Variants in CMC1 observed in about 807,000 individuals in gnomAD.
CMC1 encodes C-X9-C motif containing 1.
In CMC1, 14 loss-of-function variants were observed where a neutral mutation model predicts 14.1. The observed-to-expected ratio is 0.99, with a 90% confidence interval of 0.66 to 1.55. The LOEUF (loss-of-function observed/expected upper bound fraction) is 1.55, where lower values mean the gene tolerates loss of function less well. CMC1 is among the 40% of genes most tolerant of loss of function. CMC1 has a pLI of 0.00. For missense variants in CMC1, 127 were observed against 123.8 expected (o/e 1.03, Z -0.12); for synonymous variants, 50 against 38.4 (o/e 1.30, Z -1.12).
At chr3:28,254,048 A>G (rs1699269594) in intron 1 of CMC1, among the ~76,000 whole-genome samples, 1 of 152,202 alleles carries the variant, frequency 6.6e-6, no homozygotes, top group African/African-American at 2.4e-5. Context: ...CCAGTGAAAA[A>G]GGTGAAAATT....
chr3:28,256,708 T>A (rs1699429868), intron 1 of CMC1, among the ~76,000 whole-genome samples: 2 of 151,816 alleles, frequency 1.3e-5, no homozygotes, highest in South Asian at 2.1e-4. Flanking sequence ...GGGAGGAGAG[T>A]CATAGGCAAA....
At chr3:28,273,749 G>C (rs1700418930) in intron 2 of CMC1, among the ~76,000 whole-genome samples, 1 of 152,108 alleles carries the variant, frequency 6.6e-6, no homozygotes, top group African/African-American at 2.4e-5. Flanking sequence ...CTCTTTGTAG[G>C]TTTCTAAGAA....
intron 2 of CMC1, among the ~76,000 whole-genome samples, chr3:28,298,882 A>G (rs996574177): frequency 2.0e-5 from 3 of 152,028 alleles, no homozygotes; most frequent in Admixed American, 1.3e-4. Flanking sequence ...GTTTTTAAGC[A>G]CCTGCATGCT....
intron 1 of CMC1, among the ~76,000 whole-genome samples, chr3:28,254,157 C>T (rs1699273206): frequency 6.6e-6 from 1 of 152,146 alleles, no homozygotes; most frequent in African/African-American, 2.4e-5. Context: ...ATTTATGTGA[C>T]TATACAGTAG....
chr3:28,250,798 G>T (rs1370409352), intron 1 of CMC1, among the ~76,000 whole-genome samples: 1 of 152,188 alleles, frequency 6.6e-6, no homozygotes, highest in Non-Finnish European at 1.5e-5. Flanking sequence ...TTTAAAGGTG[G>T]AACCTTGTGG....
In CMC1 at chr3:28,267,038, T is replaced by A. The variant is rs1052415073; in HGVS notation, c.109+3658T>A. On this transcript the variant is annotated intron_variant, in intron 2 of 3. Coordinates refer to ENST00000466830, the MANE Select transcript of CMC1 (RefSeq NM_182523.2). ...CCACCAACTGTAATGATGAAATCAT[T>A]GCTTTTTCTTGGATCTAGGAGTTAG... Among the ~76,000 whole-genome samples the A allele has an allele frequency of 2.0e-5, 3 of 152,162 alleles. No individual in the cohort carries two copies. The East Asian group carries it at 5.8e-4, about 29-fold the overall frequency.
At chr3:28,283,365 A>T (rs1700994944) in intron 2 of CMC1, among the ~76,000 whole-genome samples, 1 of 151,938 alleles carries the variant, frequency 6.6e-6, no homozygotes, top group South Asian at 2.1e-4. Context: ...AATAAAAAAA[A>T]AAAATTAGCC....
intron 2 of CMC1, among the ~76,000 whole-genome samples, chr3:28,273,728 G>C (rs144922143): frequency 0.14 from 20,582 of 151,988 alleles, 1,863 homozygotes; most frequent in East Asian, 0.47. Context: ...TTATTGTGTG[G>C]GAGTCTAAGT....
chr3:28,283,778 A>T (rs1194158017), intron 2 of CMC1, among the ~76,000 whole-genome samples: 1 of 152,142 alleles, frequency 6.6e-6, no homozygotes, highest in Admixed American at 6.5e-5. Context: ...CTCAATACAG[A>T]TTACTGCAGT....
At chr3:28,242,066 A>G (rs1357593987) in intron 1 of CMC1, among the ~76,000 whole-genome samples, 1 of 152,224 alleles carries the variant, frequency 6.6e-6, no homozygotes, top group African/African-American at 2.4e-5. Flanking sequence ...TAACGCGACT[A>G]GTCTCTTCAT....
chr3:28,302,763 T>C (rs907793362), intron 2 of CMC1, among the ~76,000 whole-genome samples: 2 of 152,182 alleles, frequency 1.3e-5, no homozygotes, highest in African/African-American at 4.8e-5. Flanking sequence ...CCAGCAACAG[T>C]GTCTACCTTA....
Position 28,320,961 on chromosome 3 carries a change from C to T in CMC1, c.*1332C>T, listed in dbSNP as rs1347764571. Reference sequence around the variant, plus strand: ...ACCCACTAAGACAAGGTTTAACTTTCCCTAATCCCATGCAATAGATCTGAG... The same window carrying T: ...ACCCACTAAGACAAGGTTTAACTTTTCCTAATCCCATGCAATAGATCTGAG... On this transcript the variant is annotated 3_prime_UTR_variant, in exon 4 of 4. Transcript: ENST00000466830. The T allele has an allele frequency of 6.6e-6, 1 of 151,414 alleles. No homozygotes were observed. Among genetic ancestry groups the T allele is most frequent in the Non-Finnish European group, 1.5e-5 (1 of 67,602 alleles). The allele number at this position is 151,414 out of a possible 1,614,324, so 9.4% of individuals were successfully genotyped here.
intron 2 of CMC1, among the ~76,000 whole-genome samples, chr3:28,288,405 A>T (rs1263145203): frequency 1.3e-5 from 2 of 152,040 alleles, no homozygotes; most frequent in Non-Finnish European, 2.9e-5. Flanking sequence ...AAGTATCTGA[A>T]AATCCTGTTA....
At chr3:28,299,897 G>A (rs1323594959) in intron 2 of CMC1, among the ~76,000 whole-genome samples, 1 of 152,126 alleles carries the variant, frequency 6.6e-6, no homozygotes, top group Admixed American at 6.5e-5. Flanking sequence ...GAGTGTGACA[G>A]CAATATCATA....
intron 2 of CMC1, among the ~76,000 whole-genome samples, chr3:28,275,341 C>CTTTTTTTTTTTTTTTTTTTTTTTTTT (rs71087681): frequency 6.9e-5 from 7 of 101,072 alleles, no homozygotes; most frequent in Non-Finnish European, 5.9e-5. Flanking sequence ...TTTTTTTTTT[C>CTTTTTTTTTTTTTTTTTTTTTTTTTT]TTTTTTTTTT....
rs192079522 is a variant in CMC1, at chr3:28,279,078, A to C, written c.109+15698A>C. Among the ~76,000 whole-genome samples, 556 of 152,328 alleles carry C rather than the reference A, an allele frequency of 3.7e-3. 1 individual carries two copies. Among genetic ancestry groups the C allele is most frequent in the Non-Finnish European group, 5.0e-3 (337 of 68,024 alleles). On this transcript the variant is annotated intron_variant, in intron 2 of 3. Transcript: ENST00000466830. ...TGCACAATTCCTTCTGCAGAAAACT[A>C]CTATAACCTATGAACAAAATAGGAA...
chr3:28,268,675 C>A (rs1228872130), intron 2 of CMC1, among the ~76,000 whole-genome samples: 1 of 152,140 alleles, frequency 6.6e-6, no homozygotes, highest in South Asian at 2.1e-4. Flanking sequence ...TGCAAGCAAG[C>A]CTTTTAAGGA....
intron 2 of CMC1, among the ~76,000 whole-genome samples, chr3:28,301,441 G>T (rs1056586508): frequency 2.0e-5 from 3 of 152,086 alleles, no homozygotes; most frequent in African/African-American, 7.2e-5. Context: ...GGCTGGCCTT[G>T]AATTCCTGGA....
intron 2 of CMC1, among the ~76,000 whole-genome samples, chr3:28,290,500 C>T (rs1483919415): frequency 6.6e-6 from 1 of 152,082 alleles, no homozygotes; most frequent in African/African-American, 2.4e-5. Flanking sequence ...TTCATCCCCA[C>T]CCCACCTTGC....
Sources: gnomAD v4.1 joint callset for allele counts (sites outside exome capture counted in the v4.1 genomes callset) on GRCh38, gnomAD v4.1.1 for gene constraint, MANE v1.5 for transcripts, NCBI Gene and HGNC (gene_info 2026-07-23, HGNC 2026-07-21) for gene names.